EPHA5: variants seen among roughly 807,000 people sequenced by gnomAD.
EPHA5 encodes the protein EPH receptor A5.
In EPHA5, 60 loss-of-function variants were observed where a neutral mutation model predicts 105.0. The ratio of observed to expected loss-of-function variants is 0.57; its 90% CI spans 0.46 to 0.71. EPHA5 has a LOEUF of 0.71. Ranked by LOEUF, EPHA5 falls within the 30% of genes least tolerant of loss-of-function variation. EPHA5 has a pLI of 0.00. For synonymous variants in EPHA5, 513 were observed against 449.1 expected (o/e 1.14, Z -1.80); for missense variants, 1,218 against 1,274.7 (o/e 0.96, Z 0.68).
chr4:65,576,163 A>G, intron 3 of EPHA5, among the ~76,000 whole-genome samples: 1 of 146,204 alleles, frequency 6.8e-6, no homozygotes, highest in East Asian at 2.2e-4. Context: ...GAGAGAGAGA[A>G]AGTAAAGGAA....
intron 3 of EPHA5, among the ~76,000 whole-genome samples, chr4:65,544,567 T>A (rs374036408): frequency 3.9e-5 from 6 of 151,984 alleles, no homozygotes; most frequent in African/African-American, 1.2e-4. Context: ...TATTAAAAAG[T>A]CAAGAAGTAG....
intron 2 of EPHA5, among the ~76,000 whole-genome samples, chr4:65,607,172 C>T (rs1744308461): frequency 6.6e-6 from 1 of 151,388 alleles, no homozygotes; most frequent in Non-Finnish European, 1.5e-5. Context: ...AAATTACTAA[C>T]TCACTGATGT....
At chr4:65,434,377 G>T (rs1406541855) in intron 5 of EPHA5, among the ~76,000 whole-genome samples, 6 of 151,996 alleles carry the variant, frequency 3.9e-5, no homozygotes, top group African/African-American at 1.4e-4. Context: ...CCATGTTTGT[G>T]TCTAATCTAT....
At chr4:65,476,539 A>C (rs199544463) in intron 5 of EPHA5, among the ~76,000 whole-genome samples, 2 of 152,152 alleles carry the variant, frequency 1.3e-5, no homozygotes, top group East Asian at 3.9e-4. Flanking sequence ...TTGGGAACTC[A>C]TTGACATAAA....
chr4:65,520,382 A>T (rs1050007557), intron 3 of EPHA5, among the ~76,000 whole-genome samples: 1 of 152,180 alleles, frequency 6.6e-6, no homozygotes. Context: ...TTAATTCAAG[A>T]TGGATTAAAG....
At chr4:65,526,020 A>T (rs1337200317) in intron 3 of EPHA5, among the ~76,000 whole-genome samples, 1 of 151,870 alleles carries the variant, frequency 6.6e-6, no homozygotes, top group East Asian at 1.9e-4. Flanking sequence ...TCATCTTATG[A>T]TTGAAATAAA....
intron 8 of EPHA5, among the ~76,000 whole-genome samples, chr4:65,369,805 A>G (rs1157477688): frequency 6.6e-6 from 1 of 152,064 alleles, no homozygotes; most frequent in East Asian, 1.9e-4. Context: ...AGTATCTACT[A>G]AAAATACAAA....
intron 5 of EPHA5, among the ~76,000 whole-genome samples, chr4:65,458,760 G>C (rs935927530): frequency 1.3e-5 from 2 of 151,970 alleles, no homozygotes; most frequent in Non-Finnish European, 2.9e-5. Flanking sequence ...TATAGTACAT[G>C]TATAAATAGA....
chr4:65,340,866 T>C (rs966322795), intron 14 of EPHA5, among the ~76,000 whole-genome samples: 2 of 152,152 alleles, frequency 1.3e-5, no homozygotes, highest in Non-Finnish European at 2.9e-5. Context: ...TCATCACATG[T>C]GCACCTGCAT....
intron 13 of EPHA5, among the ~76,000 whole-genome samples, chr4:65,348,909 A>T (rs142964413): frequency 0.011 from 1,502 of 138,080 alleles, 22 homozygotes; most frequent in African/African-American, 0.039. Flanking sequence ...CCCACCTCCC[A>T]GGTTCAAGTG....
chr4:65,389,552 T>G (rs2148951948), intron 8 of EPHA5, among the ~76,000 whole-genome samples: 1 of 152,208 alleles, frequency 6.6e-6, no homozygotes, highest in South Asian at 2.1e-4. Context: ...CAAAGCTACA[T>G]GACTTCAATT....
chr4:65,651,908 A>G (rs1040236685), intron 1 of EPHA5, among the ~76,000 whole-genome samples: 1 of 152,168 alleles, frequency 6.6e-6, no homozygotes, highest in African/African-American at 2.4e-5. Flanking sequence ...CAGAGCTCAT[A>G]CAGTAGTCTA....
At chr4:65,535,069 G>A (rs985669299) in intron 3 of EPHA5, among the ~76,000 whole-genome samples, 9 of 152,120 alleles carry the variant, frequency 5.9e-5, no homozygotes, top group Non-Finnish European at 1.3e-4. Flanking sequence ...CTGTTGAACA[G>A]AGTCCACATG....
chr4:65,332,208 T>A, intron 15 of EPHA5, 80 bp from the exon 16 acceptor site: 1 of 1,152,412 alleles, frequency 8.7e-7, no homozygotes, highest in Non-Finnish European at 1.2e-6. Context: ...TTAACTCATA[T>A]TCAATGGATC....
intron 2 of EPHA5, among the ~76,000 whole-genome samples, chr4:65,605,130 C>G (rs955514377): frequency 2.6e-5 from 4 of 152,130 alleles, no homozygotes; most frequent in East Asian, 3.9e-4. Flanking sequence ...GGTTACGCAG[C>G]TTGGGTTTGC....
chr4:65,512,691 A>G (rs1307095984), intron 3 of EPHA5, among the ~76,000 whole-genome samples: 2 of 152,118 alleles, frequency 1.3e-5, no homozygotes, highest in Non-Finnish European at 2.9e-5. Context: ...TTGCAGAACC[A>G]TGAGTCAATT....
At chr4:65,658,275 T>C (rs1749246479) in intron 1 of EPHA5, among the ~76,000 whole-genome samples, 1 of 151,882 alleles carries the variant, frequency 6.6e-6, no homozygotes, top group South Asian at 2.1e-4. Context: ...GAGCTTGGAG[T>C]GCAGGGAAGG....
At chr4:65,644,651 C>A (rs183539072) in intron 1 of EPHA5, among the ~76,000 whole-genome samples, 162 of 151,924 alleles carry the variant, frequency 1.1e-3, no homozygotes, top group African/African-American at 3.7e-3. Context: ...AGGAAATTTT[C>A]TACATCTTAG....
At chr4:65,399,858 T>C (rs569111944) in intron 8 of EPHA5, among the ~76,000 whole-genome samples, 5 of 152,294 alleles carry the variant, frequency 3.3e-5, no homozygotes, top group East Asian at 1.9e-4. Context: ...AAGGTTGTAT[T>C]GAGAAAGGTT....
Sources: gnomAD v4.1 joint callset for allele counts (sites outside exome capture counted in the v4.1 genomes callset) on GRCh38, gnomAD v4.1.1 for gene constraint, MANE v1.5 for transcripts, NCBI Gene and HGNC (gene_info 2026-07-23, HGNC 2026-07-21) for gene names.